Variants in SGSM1 observed in about 807,000 individuals in gnomAD.
The protein encoded by SGSM1 is RUN and TBC1 domain containing 2.
A neutral mutation model predicts 133.8 loss-of-function variants in SGSM1; 73 were observed. That is an observed-to-expected ratio of 0.55 (90% CI 0.45 to 0.66). The LOEUF (loss-of-function observed/expected upper bound fraction) is 0.66. Among genes scored for constraint, SGSM1 ranks in the 30% least tolerant of loss-of-function variants. The pLI, the probability that SGSM1 is intolerant of heterozygous loss-of-function variation, is 0.00. For missense variants in SGSM1, 1,213 were observed against 1,448.1 expected (o/e 0.84, Z 2.64); for synonymous variants, 563 against 573.0 (o/e 0.98, Z 0.25).
Position 24,915,229 on chromosome 22 carries a change from A to AAAATAAAT in SGSM1, c.2929-2409_2929-2402dup, listed in dbSNP as rs55876996. Reference sequence around the variant, plus strand: ...GGGCGACAGAGCGAGACTCCGTCTCAAAATAAATAAATAAATAAATAAATA... The same window carrying AAAATAAAT: ...GGGCGACAGAGCGAGACTCCGTCTCAAAATAAATAAATAAATAAATAAATAAATAAATA... On this transcript the variant is annotated intron_variant, in intron 22 of 24. Transcript: ENST00000400358. 7.9e-3 allele frequency among the ~76,000 whole-genome samples: 1,198 copies of AAAATAAAT among 151,182 alleles called. 14 individuals are homozygous for AAAATAAAT. The highest frequency in any genetic ancestry group is 0.024 in the African/African-American group (982 of 40,988).
chr22:24,927,207 T>C lies in SGSM1; in HGVS notation c.*2933T>C, dbSNP rs1273506112. The C allele has an allele frequency of 3.3e-5, 5 of 152,252 alleles. No homozygotes were observed. The highest frequency in any genetic ancestry group is 7.3e-5 in the Non-Finnish European group (5 of 68,054). 9.4% of individuals were successfully genotyped at this position (152,252 alleles called of 1,614,324 possible). A position where few individuals can be genotyped will look rare whatever the true frequency, so the allele number is the denominator to read the frequency against. ...TCCAGATAGGCAACTCTGCTTCTGA[T>C]GGTTGTCTGGCTGTTGACTAGGGCA... On this transcript the variant is annotated 3_prime_UTR_variant, in exon 25 of 25. Coordinates refer to ENST00000400358, the MANE Select transcript of SGSM1 (RefSeq NM_001098497.3).
intron 21 of SGSM1, among the ~76,000 whole-genome samples, chr22:24,911,078 A>G (rs977031283): frequency 2.0e-5 from 3 of 152,006 alleles, no homozygotes; most frequent in Admixed American, 6.6e-5. Context: ...TCTACAAAAA[A>G]TAGAAAAATT....
intron 2 of SGSM1, among the ~76,000 whole-genome samples, chr22:24,823,052 G>A (rs1221944031): frequency 6.6e-6 from 1 of 152,126 alleles, no homozygotes; most frequent in African/African-American, 2.4e-5. Flanking sequence ...AGACAGTCCT[G>A]GATTTGAATC....
chr22:24,834,845 G>T (rs1929332564), intron 2 of SGSM1, among the ~76,000 whole-genome samples: 1 of 151,544 alleles, frequency 6.6e-6, no homozygotes, highest in Admixed American at 6.6e-5. Context: ...TAGATGTCAG[G>T]CCTGGCCCTG....
At position 24,886,641 on chromosome 22, in the gene SGSM1, G is replaced by C. The variant is rs772887806; in HGVS notation, c.1683G>C (p.Gly561=). 1.9e-6 allele frequency: 3 copies of C among 1,556,402 alleles called. No homozygotes were observed. In the South Asian group the frequency reaches 3.6e-5, roughly 18 times the overall value. Residue 561 remains glycine, a synonymous_variant, in exon 16 of 25, where the codon GGG becomes GGC. Coordinates refer to ENST00000400358, the MANE Select transcript of SGSM1 (RefSeq NM_001098497.3). ...AGCTGCTGCGCCTCATCTACTACGG[G>C]GGCATCCAGCCTGAGATCCGCAAGG... ...EQELLRLIYY[G]GIQPEIRKAV...
At chr22:24,874,607 G>A (rs1217417824) in intron 12 of SGSM1, 12 of 1,549,456 alleles carry the variant, frequency 7.7e-6, no homozygotes, top group South Asian at 1.2e-5. Flanking sequence ...CCCGTCCCCA[G>A]GGGCTGGGTG....
intron 2 of SGSM1, among the ~76,000 whole-genome samples, chr22:24,816,404 C>CTTTT (rs1223910304): frequency 5.2e-5 from 7 of 133,802 alleles, no homozygotes; most frequent in East Asian, 2.7e-4. Context: ...AAATTGATTT[C>CTTTT]TTTTTTTTCT....
chr22:24,918,281 G>T (rs1318308050), intron 23 of SGSM1, among the ~76,000 whole-genome samples: 2 of 152,120 alleles, frequency 1.3e-5, no homozygotes, highest in Non-Finnish European at 2.9e-5. Flanking sequence ...AAGGCGGTCA[G>T]ATCATGAGGT....
intron 2 of SGSM1, among the ~76,000 whole-genome samples, chr22:24,843,028 G>A (rs1207199649): frequency 6.6e-6 from 1 of 151,462 alleles, no homozygotes; most frequent in Non-Finnish European, 1.5e-5. Flanking sequence ...GAGCCATGAT[G>A]GGAGAAAAAA....
At chr22:24,884,353 C>G (rs1387603045) in intron 15 of SGSM1, among the ~76,000 whole-genome samples, 155 bp downstream of exon 15, 5 of 152,204 alleles carry the variant, frequency 3.3e-5, no homozygotes, top group Non-Finnish European at 7.3e-5. Context: ...CTTGAGAGTT[C>G]CAAGACCTAC....
At chr22:24,807,176 G>C (rs1227044997) in intron 2 of SGSM1, among the ~76,000 whole-genome samples, 1 of 152,006 alleles carries the variant, frequency 6.6e-6, no homozygotes, top group African/African-American at 2.4e-5. Context: ...TAGTCTTTAG[G>C]GCTCATGGCC....
chr22:24,902,846 T>C (rs1007530997), intron 20 of SGSM1, among the ~76,000 whole-genome samples: 8 of 152,118 alleles, frequency 5.3e-5, no homozygotes, highest in Non-Finnish European at 1.0e-4. Flanking sequence ...TAAGACCCAG[T>C]CTGGGCAACA....
chr22:24,913,252 C>A (rs1345939605), intron 22 of SGSM1, among the ~76,000 whole-genome samples: 4 of 146,158 alleles, frequency 2.7e-5, no homozygotes, highest in African/African-American at 5.1e-5. Context: ...GAGATCGAGC[C>A]ACTGCACTCC....
intron 15 of SGSM1, among the ~76,000 whole-genome samples, chr22:24,885,567 T>G (rs1219886951): frequency 6.6e-6 from 1 of 151,768 alleles, no homozygotes; most frequent in African/African-American, 2.4e-5. Flanking sequence ...GCCTCCCAAG[T>G]AGTTGGGCAC....
chr22:24,808,114 T>TG (rs1443055378), intron 2 of SGSM1, among the ~76,000 whole-genome samples: 101 of 144,904 alleles, frequency 7.0e-4, no homozygotes, highest in African/African-American at 2.5e-3. Flanking sequence ...TTTTTCTTGG[T>TG]GTTTTTTTTT....
chr22:24,817,509 C>T (rs9680841), intron 2 of SGSM1, among the ~76,000 whole-genome samples: 43,857 of 151,780 alleles, frequency 0.29, 6,839 homozygotes, highest in East Asian at 0.58. Context: ...CCTGCAACCA[C>T]GCCTGGCTAA....
At chr22:24,883,370 C>T (rs1161357902) in intron 14 of SGSM1, among the ~76,000 whole-genome samples, 1 of 152,140 alleles carries the variant, frequency 6.6e-6, no homozygotes, top group Non-Finnish European at 1.5e-5. Context: ...GTCCACGTTT[C>T]ACATTCTCTT....
Position 24,855,578 on chromosome 22 carries a change from G to A in SGSM1, c.699G>A (p.Met233Ile), listed in dbSNP as rs866854613. ...CIQKRHSSGS[M>I]DDRPSLSARD... is the part of the protein sequence containing the mutation. ...AGAAGAGGCATTCCAGTGGCAGCAT[G>A]GATGACCGGCCATCCCTCTCTGCCC... is the stretch of plus-strand genomic sequence containing the variant. The change falls in exon 8 of 25, where the codon ATG becomes ATA. Residue 233 changes from methionine to isoleucine, a missense_variant. Coordinates refer to ENST00000400358, the MANE Select transcript of SGSM1 (RefSeq NM_001098497.3). 6.2e-7 allele frequency: 1 copy of A among 1,613,916 alleles called. No individual in the cohort carries two copies. The highest frequency in any genetic ancestry group is 8.5e-7 in the Non-Finnish European group (1 of 1,179,858).
intron 22 of SGSM1, among the ~76,000 whole-genome samples, chr22:24,913,798 T>A (rs1405338203): frequency 6.6e-6 from 1 of 151,932 alleles, no homozygotes; most frequent in Non-Finnish European, 1.5e-5. Context: ...GGCGGGCGGA[T>A]CACTTGAGGT....
Sources: allele counts gnomAD v4.1 joint callset (sites outside exome capture counted in the v4.1 genomes callset), GRCh38; gene constraint gnomAD v4.1.1; transcripts MANE v1.5; gene names NCBI Gene and HGNC (gene_info 2026-07-23, HGNC 2026-07-21).